GUCY1A2: variants seen among roughly 807,000 people sequenced by gnomAD.
The protein encoded by GUCY1A2 is guanylate cyclase soluble subunit alpha-2.
In GUCY1A2, 27 loss-of-function variants were observed where a neutral mutation model predicts 63.5. The ratio of observed to expected loss-of-function variants is 0.43; its 90% CI spans 0.31 to 0.59. The LOEUF (loss-of-function observed/expected upper bound fraction) is 0.59, where lower values mean the gene tolerates loss of function less well. Ranked by LOEUF, GUCY1A2 falls within the 20% of genes least tolerant of loss-of-function variation. The probability of loss-of-function intolerance (pLI) is 0.11; values close to 1 mark genes in which losing one functional copy is unlikely to be tolerated. For synonymous variants in GUCY1A2, 364 were observed against 343.5 expected (o/e 1.06, Z -0.66); for missense variants, 768 against 913.3 (o/e 0.84, Z 2.05).
chr11:106,687,940 C>A (rs1862557785), intron 7 of GUCY1A2, among the ~76,000 whole-genome samples, 184 bp from the exon 8 acceptor site: 2 of 152,052 alleles, frequency 1.3e-5, no homozygotes, highest in South Asian at 4.2e-4. Flanking sequence ...AGAAAAGATC[C>A]CTTCATGTGA....
At position 106,675,373 on chromosome 11, in the gene GUCY1A2, T is replaced by A. The variant is rs908093137; in HGVS notation, c.*12176A>T. On this transcript the variant is annotated 3_prime_UTR_variant, in exon 8 of 8. Transcript: ENST00000526355. ...ACCATTATTCTATTTGAACCTAACC[T>A]GAATTCCCTCATAGTCAAAACCTGC... 1 of 197,372 alleles carries A rather than the reference T, an allele frequency of 5.1e-6. No individual in the cohort carries two copies. The highest frequency in any genetic ancestry group is 2.3e-5 in the African/African-American group (1 of 43,220). 12.2% of individuals were successfully genotyped at this position (197,372 alleles called of 1,614,324 possible).
At chr11:106,988,353 A>C (rs906869999) in intron 1 of GUCY1A2, among the ~76,000 whole-genome samples, 1 of 152,220 alleles carries the variant, frequency 6.6e-6, no homozygotes, top group Non-Finnish European at 1.5e-5. Flanking sequence ...GGCAGTGGAT[A>C]TCCACAGAGG....
At chr11:106,807,575 A>G in intron 5 of GUCY1A2, among the ~76,000 whole-genome samples, 1 of 152,156 alleles carries the variant, frequency 6.6e-6, no homozygotes, top group East Asian at 1.9e-4. Flanking sequence ...CACCTATCCT[A>G]GATACATGTA....
intron 3 of GUCY1A2, among the ~76,000 whole-genome samples, chr11:106,962,414 T>C (rs982373523): frequency 1.3e-5 from 2 of 151,608 alleles, no homozygotes; most frequent in African/African-American, 2.4e-5. Flanking sequence ...ACAAATATTT[T>C]TGTGGTAGCA....
chr11:106,701,592 TAGAG>T (rs1862818432), intron 7 of GUCY1A2, among the ~76,000 whole-genome samples: 1 of 151,042 alleles, frequency 6.6e-6, no homozygotes. Context: ...CTCATAAAAG[TAGAG>T]AGTAGAATTG....
intron 3 of GUCY1A2, among the ~76,000 whole-genome samples, chr11:106,958,024 A>G (rs865820506): frequency 6.6e-6 from 1 of 152,062 alleles, no homozygotes; most frequent in Admixed American, 6.6e-5. Context: ...ACAGCATTAG[A>G]TGTTAAGAGT....
chr11:106,849,376 A>G (rs866087874), intron 4 of GUCY1A2, among the ~76,000 whole-genome samples: 6 of 150,084 alleles, frequency 4.0e-5, no homozygotes, highest in South Asian at 2.1e-4. Context: ...ATAAACATAT[A>G]TATTTAACTT....
chr11:106,896,015 A>AT (rs1860043196), intron 4 of GUCY1A2, among the ~76,000 whole-genome samples: 2 of 149,240 alleles, frequency 1.3e-5, no homozygotes, highest in Admixed American at 6.7e-5. Context: ...TCTCAAAAAA[A>AT]AAAAAAATAT....
At chr11:106,897,871 T>TA (rs2135482715) in intron 4 of GUCY1A2, among the ~76,000 whole-genome samples, 1 of 151,994 alleles carries the variant, frequency 6.6e-6, no homozygotes, top group South Asian at 2.1e-4. Context: ...TCATTAAAAT[T>TA]AAAAATCTAT....
intron 4 of GUCY1A2, 96 bp downstream of exon 4, chr11:106,939,362 CTT>C (rs1403939645): frequency 7.1e-6 from 5 of 707,616 alleles, no homozygotes; most frequent in Non-Finnish European, 1.2e-5. Context: ...TTTAAGCTCT[CTT>C]GCCTAAATAA....
At chr11:106,862,045 G>T (rs148790114) in intron 4 of GUCY1A2, among the ~76,000 whole-genome samples, 1 of 151,868 alleles carries the variant, frequency 6.6e-6, no homozygotes, top group Admixed American at 6.6e-5. Flanking sequence ...AAATTATGTC[G>T]TCAGTCCCCT....
At chr11:106,946,947 A>G (rs1318826881) in intron 3 of GUCY1A2, among the ~76,000 whole-genome samples, 1 of 152,166 alleles carries the variant, frequency 6.6e-6, no homozygotes, top group Non-Finnish European at 1.5e-5. Context: ...GGCTGGGCAC[A>G]GTGGCTCACA....
intron 4 of GUCY1A2, among the ~76,000 whole-genome samples, chr11:106,816,868 A>T (rs187068520): frequency 6.6e-6 from 1 of 152,140 alleles, no homozygotes; most frequent in East Asian, 1.9e-4. Flanking sequence ...AATCCCTTGA[A>T]AAAAACCCAA....
At chr11:106,911,690 A>C (rs1268930470) in intron 4 of GUCY1A2, among the ~76,000 whole-genome samples, 1 of 152,090 alleles carries the variant, frequency 6.6e-6, no homozygotes, top group African/African-American at 2.4e-5. Flanking sequence ...TCAAGAAGGA[A>C]GAACCTTATT....
In GUCY1A2 at chr11:107,001,903, C is replaced by A. The variant is rs56152703; in HGVS notation, c.304-15772G>T. On this transcript the variant is annotated intron_variant, in intron 1 of 7. Coordinates refer to ENST00000526355, the MANE Select transcript of GUCY1A2 (RefSeq NM_000855.3). ...GCATGGTGGCGGACACCTGTAATCC[C>A]AGCTACTCGGGAGGCTGAGGCAGGA... Among the ~76,000 whole-genome samples, 851 of 151,890 alleles carry A rather than the reference C, an allele frequency of 5.6e-3. 9 individuals carry two copies. The highest frequency in any genetic ancestry group is 0.019 in the African/African-American group (802 of 41,382).
Position 106,986,084 on chromosome 11 carries a change from T to C in GUCY1A2, c.351A>G (p.Glu117=). 6.8e-7 allele frequency: 1 copy of C among 1,475,900 alleles called. No homozygotes were observed. Among genetic ancestry groups the C allele is most frequent in the Non-Finnish European group, 9.5e-7 (1 of 1,054,046 alleles). 91.4% of individuals were successfully genotyped at this position (1,475,900 alleles called of 1,614,324 possible). ...TTTTTACTTACCCAATAACTTGATG[T>C]TCATAATACTGCAGTGTCCTCTTGA... is the stretch of plus-strand genomic sequence containing the variant. The part of the protein sequence containing the change: ...QTLKRTLQYY[E]HQVIGYRDAE... The change falls in exon 2 of 8, where the codon GAA becomes GAG. Residue 117 remains glutamate (E), a synonymous_variant. Coordinates refer to ENST00000526355, the MANE Select transcript of GUCY1A2 (RefSeq NM_000855.3).
At chr11:107,002,513 A>T (rs533227697) in intron 1 of GUCY1A2, among the ~76,000 whole-genome samples, 2 of 152,248 alleles carry the variant, frequency 1.3e-5, no homozygotes, top group South Asian at 4.1e-4. Context: ...AAACACAAAT[A>T]AAAAAACAGT....
chr11:106,939,849 T>C lies in GUCY1A2; in HGVS notation c.817A>G (p.Asn273Asp). 6.2e-7 allele frequency: 1 copy of C among 1,614,112 alleles called. No individual in the cohort carries two copies. Among genetic ancestry groups the C allele is most frequent in the Non-Finnish European group, 8.5e-7 (1 of 1,179,942 alleles). Reference protein sequence around the residue: ...RLDVEVEQVANEKLCSDVSNP... With the variant: ...RLDVEVEQVADEKLCSDVSNP... ...GAAACATCAGAGCATAGCTTCTCAT[T>C]TGCAACCTGTTCCACTTCCACATCC... is the stretch of plus-strand genomic sequence containing the variant. The change falls in exon 4 of 8, where the codon AAT becomes GAT. Residue 273 changes from asparagine to aspartate, a missense_variant. Around this residue, in one of 3 missense-constraint regions of GUCY1A2, gnomAD observed 496 missense variants for 486.9 expected, o/e 1.02. Transcript: ENST00000526355.
intron 1 of GUCY1A2, among the ~76,000 whole-genome samples, chr11:107,006,766 A>C (rs1861676817): frequency 6.6e-6 from 1 of 152,220 alleles, no homozygotes; most frequent in Non-Finnish European, 1.5e-5. Flanking sequence ...AGTGATAGTT[A>C]ATACTCATAA....
Sources: allele counts gnomAD v4.1 joint callset (sites outside exome capture counted in the v4.1 genomes callset), GRCh38; gene constraint gnomAD v4.1.1; regional missense constraint gnomAD v4.1.1; transcripts MANE v1.5; gene names NCBI Gene and HGNC (gene_info 2026-07-23, HGNC 2026-07-21).